LINGO2: variants seen among roughly 807,000 people sequenced by gnomAD.
LINGO2 encodes leucine-rich repeat and immunoglobulin-like domain-containing nogo receptor-interacting protein 2.
In LINGO2, 14 loss-of-function variants were observed where a neutral mutation model predicts 30.6. The ratio of observed to expected loss-of-function variants is 0.46; its 90% CI spans 0.30 to 0.72. The LOEUF is 0.72. Among genes scored for constraint, LINGO2 ranks in the 30% least tolerant of loss-of-function variants. The pLI, the probability that LINGO2 is intolerant of heterozygous loss-of-function variation, is 0.07. For missense variants in LINGO2, 729 were observed against 751.7 expected (o/e 0.97, Z 0.35); for synonymous variants, 317 against 288.5 (o/e 1.10, Z -1.00).
intron 2 of LINGO2, among the ~76,000 whole-genome samples, chr9:28,379,777 T>C (rs1821275024): frequency 1.3e-5 from 2 of 152,140 alleles, no homozygotes; most frequent in South Asian, 4.1e-4. Flanking sequence ...TTTTATAAGA[T>C]CCACAAACAA....
intron 1 of LINGO2, among the ~76,000 whole-genome samples, chr9:28,641,854 G>A (rs1588012033): frequency 1.3e-5 from 2 of 152,120 alleles, no homozygotes; most frequent in South Asian, 4.1e-4. Flanking sequence ...TAATAGTGAA[G>A]CATGAGACTA....
intron 4 of LINGO2, among the ~76,000 whole-genome samples, chr9:28,082,777 G>A (rs1016583439): frequency 3.9e-5 from 6 of 151,992 alleles, no homozygotes; most frequent in South Asian, 2.1e-4. Context: ...CTCCCTCTGC[G>A]TTTTTCTGAC....
At chr9:29,194,668 G>A in the LINGO2 span, among the ~76,000 whole-genome samples, 1 of 152,122 alleles carries the variant, frequency 6.6e-6, no homozygotes, top group South Asian at 2.1e-4. Context: ...TGATCACAAG[G>A]TGGCAAGAGA....
intron 4 of LINGO2, among the ~76,000 whole-genome samples, chr9:28,170,699 T>A (rs776756807): frequency 1.3e-5 from 2 of 152,340 alleles, no homozygotes; most frequent in South Asian, 2.1e-4. Flanking sequence ...ATCCATTTCC[T>A]TGCTTTTTCC....
At chr9:29,007,671 A>G in the LINGO2 span, among the ~76,000 whole-genome samples, 1 of 152,082 alleles carries the variant, frequency 6.6e-6, no homozygotes, top group East Asian at 1.9e-4. Flanking sequence ...TGTTTCTGAG[A>G]CCAATGATAG....
intron 4 of LINGO2, among the ~76,000 whole-genome samples, chr9:28,039,669 C>G (rs772927471): frequency 6.6e-6 from 1 of 152,054 alleles, no homozygotes; most frequent in Non-Finnish European, 1.5e-5. Context: ...ATCTTTATAT[C>G]TTTATGGAGT....
intron 4 of LINGO2, among the ~76,000 whole-genome samples, chr9:28,236,420 A>G (rs1821567062): frequency 6.6e-6 from 1 of 152,182 alleles, no homozygotes; most frequent in African/African-American, 2.4e-5. Flanking sequence ...CACAAAGAAA[A>G]ACGCGGAATA....
At chr9:28,491,211 T>C (rs1426143410) in intron 1 of LINGO2, among the ~76,000 whole-genome samples, 2 of 152,184 alleles carry the variant, frequency 1.3e-5, no homozygotes, top group African/African-American at 4.8e-5. Flanking sequence ...TCAAGGTGTA[T>C]GCAGGGCTGA....
chr9:28,974,160 G>A, the LINGO2 span, among the ~76,000 whole-genome samples: 26 of 152,192 alleles, frequency 1.7e-4, no homozygotes, highest in Admixed American at 1.4e-3. Flanking sequence ...TGTAATCCCA[G>A]CACTTTGGGA....
At chr9:28,858,985 T>C in the LINGO2 span, among the ~76,000 whole-genome samples, 5 of 151,998 alleles carry the variant, frequency 3.3e-5, no homozygotes, top group East Asian at 3.9e-4. Flanking sequence ...TGTCATAATA[T>C]ACAGCAGAGA....
the LINGO2 span, among the ~76,000 whole-genome samples, chr9:28,983,585 A>G: frequency 6.6e-6 from 1 of 151,922 alleles, no homozygotes; most frequent in Non-Finnish European, 1.5e-5. Context: ...TCCTGAAACT[A>G]TATGAACGGA....
chr9:28,156,422 C>T (rs544435308), intron 4 of LINGO2, among the ~76,000 whole-genome samples: 123 of 152,304 alleles, frequency 8.1e-4, no homozygotes, highest in Non-Finnish European at 1.6e-3. Context: ...AAAGTATTGA[C>T]TCTCATTCTA....
At chr9:28,667,330 C>T (rs907517603) in intron 1 of LINGO2, among the ~76,000 whole-genome samples, 1 of 152,108 alleles carries the variant, frequency 6.6e-6, no homozygotes, top group South Asian at 2.1e-4. Context: ...AGAACCACAG[C>T]TATAAAATCT....
At chr9:28,863,059 G>A in the LINGO2 span, among the ~76,000 whole-genome samples, 1 of 152,078 alleles carries the variant, frequency 6.6e-6, no homozygotes, top group Non-Finnish European at 1.5e-5. Flanking sequence ...AATGCCCAGT[G>A]AATACCTAAT....
chr9:28,164,278 C>T (rs899875779), intron 4 of LINGO2, among the ~76,000 whole-genome samples: 10 of 152,094 alleles, frequency 6.6e-5, no homozygotes, highest in Non-Finnish European at 5.9e-5. Flanking sequence ...AGATCACTGA[C>T]AGTGTGCTAT....
chr9:28,009,775 T>C (rs917746373), intron 5 of LINGO2, among the ~76,000 whole-genome samples: 3 of 152,282 alleles, frequency 2.0e-5, no homozygotes, highest in Non-Finnish European at 1.5e-5. Flanking sequence ...AAATGTAAAA[T>C]GGTGCAGCCT....
chr9:29,127,005 C>T, the LINGO2 span, among the ~76,000 whole-genome samples: 7,971 of 152,160 alleles, frequency 0.052, 246 homozygotes, highest in Admixed American at 0.083. Flanking sequence ...GCCTAGCCTA[C>T]ATTTGCATAG....
the LINGO2 span, among the ~76,000 whole-genome samples, chr9:28,999,247 T>A: frequency 6.6e-6 from 1 of 152,072 alleles, no homozygotes; most frequent in East Asian, 1.9e-4. Flanking sequence ...TAATGATAAC[T>A]CTATCTGATC....
chr9:28,793,194 T>C, the LINGO2 span, among the ~76,000 whole-genome samples: 7 of 152,264 alleles, frequency 4.6e-5, no homozygotes, highest in South Asian at 1.5e-3. Flanking sequence ...TGAGTATTAC[T>C]GATGAGGAAA....
Sources: gnomAD v4.1 joint callset for allele counts (sites outside exome capture counted in the v4.1 genomes callset) on GRCh38, gnomAD v4.1.1 for gene constraint, MANE v1.5 for transcripts, NCBI Gene and HGNC (gene_info 2026-07-23, HGNC 2026-07-21) for gene names.